The following GSTA4 variants were observed in gnomAD, a reference collection of about 807,000 sequenced individuals.
GSTA4 encodes the protein glutathione S-transferase A4.
In GSTA4, 15 loss-of-function variants were observed where a neutral mutation model predicts 24.4. The observed-to-expected ratio is 0.61, with a 90% CI of 0.41 to 0.95. GSTA4 has a LOEUF of 0.95. Among genes scored for constraint, GSTA4 ranks in the 40% least tolerant of loss-of-function variants. The pLI, the probability that GSTA4 is intolerant of heterozygous loss-of-function variation, is 0.00. For synonymous variants in GSTA4, 92 were observed against 94.2 expected (o/e 0.98, Z 0.13); for missense variants, 244 against 262.1 (o/e 0.93, Z 0.48).
Position 52,994,200 on chromosome 6 carries a change from C to T in GSTA4, c.44G>A (p.Arg15Gln), listed in dbSNP as rs759677885. 2 of 1,613,596 alleles carry T rather than the reference C, an allele frequency of 1.2e-6. No homozygotes were observed. The highest frequency in any genetic ancestry group is 4.5e-5 in the East Asian group (2 of 44,878). The change falls in exon 2 of 7, where the codon CGG becomes CAG. Residue 15 changes from arginine to glutamine, a missense_variant. By Grantham distance (43) the Arg-to-Gln change is conservative (BLOSUM62 1). Coordinates refer to ENST00000370963, the MANE Select transcript of GSTA4 (RefSeq NM_001512.4). ...PKLHYPNGRG[R>Q]MESVRWVLAA... ...TAAAACCCATCTCACGGACTCCATC[C>T]GGCCTCTTCCGTTGGGATAGTGGAG...
At chr6:52,980,872 TTGGGG>T (rs997261053) in intron 6 of GSTA4, among the ~76,000 whole-genome samples, 9 of 152,152 alleles carry the variant, frequency 5.9e-5, no homozygotes, top group African/African-American at 2.2e-4. Flanking sequence ...CCTAGGGTTA[TTGGGG>T]TGGGGTTGAC....
chr6:52,980,555 C>G (rs1299719971), intron 6 of GSTA4, among the ~76,000 whole-genome samples: 1 of 152,128 alleles, frequency 6.6e-6, no homozygotes, highest in South Asian at 2.1e-4. Context: ...CCACCCACTT[C>G]AGCCACCCAA....
intron 2 of GSTA4, among the ~76,000 whole-genome samples, chr6:52,990,249 A>G (rs1288696139): frequency 6.6e-6 from 1 of 152,242 alleles, no homozygotes; most frequent in Non-Finnish European, 1.5e-5. Flanking sequence ...GCTGTTTTTC[A>G]GTAGGTTTTA....
At chr6:52,994,048 G>A (rs1266010633) in intron 2 of GSTA4, 109 bp downstream of exon 2, 6 of 792,432 alleles carry the variant, frequency 7.6e-6, no homozygotes, top group Non-Finnish European at 1.4e-5. Flanking sequence ...GCGTGCCTGT[G>A]ATTTTGGTGG....
chr6:52,990,944 C>T (rs1019519126), intron 2 of GSTA4, among the ~76,000 whole-genome samples: 4 of 152,180 alleles, frequency 2.6e-5, no homozygotes, highest in Admixed American at 1.3e-4. Context: ...CCACATCTTC[C>T]AATTTCTAAA....
intron 6 of GSTA4, among the ~76,000 whole-genome samples, chr6:52,980,049 C>T (rs1763419362): frequency 1.3e-5 from 2 of 152,128 alleles, no homozygotes; most frequent in Admixed American, 6.5e-5. Context: ...TATTGATGCT[C>T]AATCTGATCA....
In GSTA4 at chr6:52,985,433, C is replaced by T. The variant is rs769029643; in HGVS notation, c.272+18G>A. 5.0e-6 allele frequency: 8 copies of T among 1,609,812 alleles called. No individual in the cohort carries two copies. The East Asian group carries it at 6.7e-5, about 13-fold the overall frequency. On this transcript the variant is annotated intron_variant, in intron 4 of 6. Transcript: ENST00000370963. Reference sequence around the variant, plus strand: ...CAGTAAGCTGACAAGTGACAACACTCGAGAGGGGCCACAGTACAGGGTTCT... The same window carrying T: ...CAGTAAGCTGACAAGTGACAACACTTGAGAGGGGCCACAGTACAGGGTTCT...
intron 4 of GSTA4, among the ~76,000 whole-genome samples, chr6:52,984,886 C>A (rs1763524358): frequency 6.6e-6 from 1 of 152,152 alleles, no homozygotes; most frequent in South Asian, 2.1e-4. Flanking sequence ...ATGTTTTGGT[C>A]TCTTCGTATG....
At chr6:52,981,360 A>G (rs316141) in intron 6 of GSTA4, among the ~76,000 whole-genome samples, 85,624 of 151,962 alleles carry the variant, frequency 0.56, 24,464 homozygotes, top group East Asian at 0.74. Context: ...GTCTGTATCC[A>G]GGCTGTTTCA....
At chr6:52,982,046 A>C (rs755442904) in intron 6 of GSTA4, among the ~76,000 whole-genome samples, 27 of 152,188 alleles carry the variant, frequency 1.8e-4, no homozygotes, top group Non-Finnish European at 3.4e-4. Flanking sequence ...TGAGAAAGGG[A>C]GTCATAGCCT....
Position 52,984,446 on chromosome 6 carries a change from G to A in GSTA4, c.414+18C>T. The A allele has an allele frequency of 6.2e-7, 1 of 1,608,278 alleles. No homozygotes were observed. Among genetic ancestry groups the A allele is most frequent in the Non-Finnish European group, 8.5e-7 (1 of 1,177,444 alleles). ...GTGGTTTGGTTGCTCTGTGTATGTAGGCATCTCTGCCACCTACCTTTTCAA... is the reference window on the plus strand; with the variant it reads ...GTGGTTTGGTTGCTCTGTGTATGTAAGCATCTCTGCCACCTACCTTTTCAA... On this transcript the variant is annotated intron_variant, in intron 5 of 6. Coordinates refer to ENST00000370963, the MANE Select transcript of GSTA4 (RefSeq NM_001512.4).
intron 5 of GSTA4, among the ~76,000 whole-genome samples, chr6:52,984,187 TG>T (rs1443415969): frequency 6.6e-6 from 1 of 152,170 alleles, no homozygotes; most frequent in African/African-American, 2.4e-5. Context: ...CCACACAAGG[TG>T]GGAACTTGGT....
intron 2 of GSTA4, among the ~76,000 whole-genome samples, chr6:52,988,964 T>G (rs1406858809): frequency 6.6e-6 from 1 of 152,164 alleles, no homozygotes. Flanking sequence ...CCCAGACAGT[T>G]AAGGCATTGT....
Position 52,985,445 on chromosome 6 carries a change from C to T in GSTA4, c.272+6G>A, listed in dbSNP as rs762373540. On this transcript the variant is annotated splice_donor_region_variant and intron_variant, in intron 4 of 6. Coordinates refer to ENST00000370963, the MANE Select transcript of GSTA4 (RefSeq NM_001512.4). The stretch of plus-strand genomic sequence containing the variant: ...AAGTGACAACACTCGAGAGGGGCCA[C>T]AGTACAGGGTTCTCTCCTTGAGGTT... 1 of 1,611,738 alleles carries T rather than the reference C, an allele frequency of 6.2e-7. No individual in the cohort carries two copies. The highest frequency in any genetic ancestry group is 1.1e-5 in the South Asian group (1 of 90,532).
intron 1 of GSTA4, 73 bp downstream of exon 1, chr6:52,995,174 CAG>C (rs1763748003): frequency 6.5e-6 from 1 of 152,712 alleles, no homozygotes; most frequent in Non-Finnish European, 1.5e-5. Flanking sequence ...GAGTGAGACT[CAG>C]AGAGTAAAGG....
chr6:52,979,842 C>T lies in GSTA4; in HGVS notation c.547-1250G>A, dbSNP rs1482783889. Among the ~76,000 whole-genome samples, 2 of 152,176 alleles carry T rather than the reference C, an allele frequency of 1.3e-5. 1 individual carries two copies. Among genetic ancestry groups the T allele is most frequent in the African/African-American group, 4.8e-5 (2 of 41,440 alleles). On this transcript the variant is annotated intron_variant, in intron 6 of 6. Transcript: ENST00000370963. Reference sequence around the variant, plus strand: ...TTTCTCTTTTCATTACGTACTTAAGCTCTACTTGTATGATTTTAAATATTA... The same window carrying T: ...TTTCTCTTTTCATTACGTACTTAAGTTCTACTTGTATGATTTTAAATATTA...
intron 3 of GSTA4, among the ~76,000 whole-genome samples, chr6:52,985,877 C>T (rs1331482181): frequency 6.6e-6 from 1 of 151,992 alleles, no homozygotes; most frequent in Non-Finnish European, 1.5e-5. Context: ...ATAGTGAAAC[C>T]CCGCCTCTAC....
intron 3 of GSTA4, 65 bp from the exon 4 acceptor site, chr6:52,985,648 G>A (rs979678293): frequency 3.3e-6 from 5 of 1,531,124 alleles, no homozygotes; most frequent in Non-Finnish European, 3.6e-6. Context: ...CCTAAAAAAT[G>A]CTCTGTGGAA....
intron 2 of GSTA4, among the ~76,000 whole-genome samples, chr6:52,989,025 C>A (rs745307373): frequency 2.6e-5 from 4 of 152,102 alleles, no homozygotes. Context: ...TCATAAAGAC[C>A]TTGCTGATAA....
Sources: allele counts gnomAD v4.1 joint callset (sites outside exome capture counted in the v4.1 genomes callset), GRCh38; gene constraint gnomAD v4.1.1; transcripts MANE v1.5; gene names NCBI Gene and HGNC (gene_info 2026-07-23, HGNC 2026-07-21).